UBA2: variants seen among roughly 807,000 people sequenced by gnomAD.
The protein encoded by UBA2 is ubiquitin like modifier activating enzyme 2, also known as SUMO-activating enzyme subunit 2.
UBA2 carries 11 observed loss-of-function variants against 77.2 expected under a neutral mutation model. The observed-to-expected ratio is 0.14, with a 90% confidence interval of 0.09 to 0.24. UBA2 has a LOEUF of 0.24. Among genes scored for constraint, UBA2 ranks in the 10% least tolerant of loss-of-function variants. UBA2 has a pLI of 1.00. For synonymous variants in UBA2, 278 were observed against 276.7 expected (o/e 1.00, Z -0.05); for missense variants, 487 against 781.7 (o/e 0.62, Z 4.50).
At chr19:34,430,259 T>TA (rs778252250) in intron 1 of UBA2, 2 of 228,308 alleles carry the variant, frequency 8.8e-6, no homozygotes, top group Non-Finnish European at 1.7e-5. Context: ...CGACAGCACA[T>TA]ATAGTTTTAA....
chr19:34,457,178 AAATATATATATATAT>A lies in UBA2; in HGVS notation c.1246-1589_1246-1575del, dbSNP rs1393849571. Among the ~76,000 whole-genome samples, 84 of 89,738 alleles carry A rather than the reference AAATATATATATATAT, an allele frequency of 9.4e-4. 2 individuals are homozygous for A. The highest frequency in any genetic ancestry group is 3.5e-3 in the African/African-American group (65 of 18,326). The allele number at this position is 89,738 out of a possible 152,430, so 58.9% of individuals were successfully genotyped here. A position where few individuals can be genotyped will look rare whatever the true frequency, so the allele number is the denominator to read the frequency against. On this transcript the variant is annotated intron_variant, in intron 12 of 16. Transcript: ENST00000246548. ...ACCTGGTCTCTACTAAAAAAAAAAA[AAATATATATATATAT>A]ATATATATATATATATATATAAAAT...
chr19:34,467,524 C>T (rs1275338224), intron 16 of UBA2, among the ~76,000 whole-genome samples: 1 of 151,822 alleles, frequency 6.6e-6, no homozygotes, highest in African/African-American at 2.4e-5. Flanking sequence ...CCTGTAACCC[C>T]AACGCTTTGG....
At chr19:34,448,175 G>A (rs1416501804) in intron 8 of UBA2, among the ~76,000 whole-genome samples, 2 of 152,132 alleles carry the variant, frequency 1.3e-5, no homozygotes, top group African/African-American at 4.8e-5. Context: ...ACCAATCTGG[G>A]ACAGTGCCCC....
At chr19:34,446,088 T>G (rs929561650) in intron 8 of UBA2, among the ~76,000 whole-genome samples, 2 of 151,926 alleles carry the variant, frequency 1.3e-5, no homozygotes, top group South Asian at 2.1e-4. Context: ...AAACTCCTGG[T>G]TTCAAGTCTC....
Position 34,469,023 on chromosome 19 carries a change from C to CT in UBA2, c.1742-11dup, listed in dbSNP as rs771794453. The CT allele has an allele frequency of 1.3e-6, 2 of 1,580,980 alleles. No individual in the cohort carries two copies. The highest frequency in any genetic ancestry group is 1.2e-5 in the South Asian group (1 of 85,200). The stretch of plus-strand genomic sequence containing the variant: ...ACGCTTTTACCCATTTTCTTTTTCC[C>CT]TTTTTTCTGAAATAAGCTCAAGAGC... On this transcript the variant is annotated splice_polypyrimidine_tract_variant and intron_variant, in intron 16 of 16. Coordinates refer to ENST00000246548, the MANE Select transcript of UBA2 (RefSeq NM_005499.3).
chr19:34,441,541 T>C (rs138069169), intron 6 of UBA2, among the ~76,000 whole-genome samples: 2,227 of 152,114 alleles, frequency 0.015, 25 homozygotes, highest in South Asian at 0.025. Context: ...CGATAAAGGG[T>C]ATTTTGTAGA....
intron 1 of UBA2, 158 bp downstream of exon 1, chr19:34,428,728 C>T (rs575484019): frequency 1.7e-6 from 2 of 1,151,472 alleles, no homozygotes; most frequent in Non-Finnish European, 2.2e-6. Context: ...GTGCCCCCCC[C>T]GCGGGAGGAG....
intron 10 of UBA2, among the ~76,000 whole-genome samples, chr19:34,453,729 C>T (rs951779025): frequency 1.3e-5 from 2 of 151,892 alleles, no homozygotes; most frequent in Admixed American, 6.6e-5. Context: ...GGTTTTGCCA[C>T]GTTGCCCGGG....
chr19:34,429,839 A>G lies in UBA2; in HGVS notation c.139-737A>G, dbSNP rs532507414. On this transcript the variant is annotated intron_variant, in intron 1 of 16. Transcript: ENST00000246548. Reference sequence around the variant, plus strand: ...CAACAGAGGGAGACCCTGTCTCAAAAAACAAAGAAAAAGAACAGGGCATAG... The same window carrying G: ...CAACAGAGGGAGACCCTGTCTCAAAGAACAAAGAAAAAGAACAGGGCATAG... Among the ~76,000 whole-genome samples, 13 of 152,328 alleles carry G rather than the reference A, an allele frequency of 8.5e-5. No homozygotes were observed. In the East Asian group the frequency reaches 2.5e-3, roughly 29 times the overall value.
intron 16 of UBA2, among the ~76,000 whole-genome samples, chr19:34,467,407 G>A (rs529420542): frequency 5.3e-5 from 8 of 151,122 alleles, no homozygotes; most frequent in Admixed American, 5.3e-4. Context: ...GTTCGACACT[G>A]CAGTGAGCCA....
chr19:34,433,433 T>C lies in UBA2; in HGVS notation c.358+21T>C, dbSNP rs376520662. ...CAGAGGTGAGGTTATTTTAATACTT[T>C]TAATTTCTCAGTATTTCCTCTCTCC... On this transcript the variant is annotated intron_variant, in intron 4 of 16. Coordinates refer to ENST00000246548, the MANE Select transcript of UBA2 (RefSeq NM_005499.3). 1.4e-4 allele frequency: 201 copies of C among 1,480,224 alleles called. 1 individual carries two copies. Among genetic ancestry groups the C allele is most frequent in the Non-Finnish European group, 1.8e-4 (191 of 1,064,434 alleles). The allele number at this position is 1,480,224 out of a possible 1,614,324, so 91.7% of individuals were successfully genotyped here.
intron 5 of UBA2, among the ~76,000 whole-genome samples, chr19:34,436,329 C>T (rs917976657): frequency 5.3e-5 from 8 of 151,894 alleles, no homozygotes; most frequent in African/African-American, 1.5e-4. Context: ...GACAGAATTT[C>T]GCTCTTGTTG....
chr19:34,450,450 A>G (rs1414840120), intron 9 of UBA2, 86 bp downstream of exon 9: 11 of 864,632 alleles, frequency 1.3e-5, no homozygotes, highest in African/African-American at 1.8e-5. Context: ...TTGCTTGAAA[A>G]TGATATGTCT....
At chr19:34,464,567 A>AG (rs1299939442) in intron 15 of UBA2, among the ~76,000 whole-genome samples, 1 of 152,048 alleles carries the variant, frequency 6.6e-6, no homozygotes, top group South Asian at 2.1e-4. Flanking sequence ...TAAAAAAAAA[A>AG]AAAAGAAAAC....
chr19:34,432,905 C>T (rs1379645463), intron 3 of UBA2, among the ~76,000 whole-genome samples: 2 of 152,110 alleles, frequency 1.3e-5, no homozygotes, highest in Non-Finnish European at 2.9e-5. Flanking sequence ...CTGCCTGTAG[C>T]CCTATAACCT....
At chr19:34,461,418 G>T (rs1000922287) in intron 14 of UBA2, among the ~76,000 whole-genome samples, 2 of 152,210 alleles carry the variant, frequency 1.3e-5, no homozygotes, top group Non-Finnish European at 2.9e-5. Context: ...ATTAGGTCAT[G>T]TGTAATTGGA....
chr19:34,432,013 TAA>T, intron 3 of UBA2, 82 bp downstream of exon 3: 1 of 1,078,714 alleles, frequency 9.3e-7, no homozygotes. Context: ...TCAGCTTTTT[TAA>T]AAAAAATGAT....
chr19:34,430,750 A>G lies in UBA2; in HGVS notation c.222+91A>G, dbSNP rs2075243948. ...CCTGCCTGTCATATAGGAGGGAAAAAATGGGTGAAGCTCTCATTTCAGCTG... is the reference window on the plus strand; with the variant it reads ...CCTGCCTGTCATATAGGAGGGAAAAGATGGGTGAAGCTCTCATTTCAGCTG... On this transcript the variant is annotated intron_variant, in intron 2 of 16. Transcript: ENST00000246548. 6 of 960,244 alleles carry G rather than the reference A, an allele frequency of 6.2e-6. No homozygotes were observed. In the Admixed American group the frequency reaches 9.5e-5, roughly 15 times the overall value. The allele number at this position is 960,244 out of a possible 1,614,324, so 59.5% of individuals were successfully genotyped here. A position where few individuals can be genotyped will look rare whatever the true frequency, so the allele number is the denominator to read the frequency against.
At chr19:34,444,617 G>C (rs1056236731) in intron 7 of UBA2, among the ~76,000 whole-genome samples, 1 of 152,126 alleles carries the variant, frequency 6.6e-6, no homozygotes, top group Non-Finnish European at 1.5e-5. Flanking sequence ...GACCAGCCTG[G>C]CCAACATGGC....
Sources: allele counts gnomAD v4.1 joint callset (sites outside exome capture counted in the v4.1 genomes callset), GRCh38; gene constraint gnomAD v4.1.1; transcripts MANE v1.5; gene names NCBI Gene and HGNC (gene_info 2026-07-23, HGNC 2026-07-21).